The following HSDL2 variants were observed in gnomAD, a reference collection of about 807,000 sequenced individuals.
The protein encoded by HSDL2 is hydroxysteroid dehydrogenase like 2, also known as hydroxysteroid dehydrogenase-like protein 2.
In HSDL2, 27 loss-of-function variants were observed where a neutral mutation model predicts 46.3. The observed-to-expected ratio is 0.58, with a 90% CI of 0.43 to 0.80. HSDL2 has a LOEUF of 0.80. HSDL2 is among the 30% of genes least tolerant of loss of function. The pLI, the probability that HSDL2 is intolerant of heterozygous loss-of-function variation, is 0.00. For missense variants in HSDL2, 451 were observed against 502.7 expected (o/e 0.90, Z 0.98); for synonymous variants, 153 against 163.6 (o/e 0.94, Z 0.50).
intron 6 of HSDL2, among the ~76,000 whole-genome samples, chr9:112,431,051 CAAAAA>C (rs57414181): frequency 9.4e-5 from 9 of 95,636 alleles, no homozygotes; most frequent in Non-Finnish European, 1.1e-4. Flanking sequence ...GATTCCAACT[CAAAAA>C]AAAAAAAAAA....
chr9:112,429,805 C>T (rs981509243), intron 6 of HSDL2, among the ~76,000 whole-genome samples: 3 of 152,110 alleles, frequency 2.0e-5, no homozygotes, highest in African/African-American at 7.2e-5. Context: ...AAAGGTTTGG[C>T]ATTAGGCCAG....
At chr9:112,380,211 C>A (rs750903080) in intron 1 of HSDL2, 31 bp downstream of exon 1, 1 of 1,540,966 alleles carries the variant, frequency 6.5e-7, no homozygotes, top group Admixed American at 2.1e-5. Flanking sequence ...CGGGGAGAGA[C>A]CCTGTCGGGC....
rs576153493 is a variant in HSDL2 at position 112,456,152 on chromosome 9, T to C, written c.1015+1990T>C. Among the ~76,000 whole-genome samples, 10 of 152,358 alleles carry C rather than the reference T, an allele frequency of 6.6e-5. No individual in the cohort carries two copies. In the South Asian group the frequency reaches 2.1e-3, roughly 32 times the overall value. On this transcript the variant is annotated intron_variant, in intron 9 of 10. Transcript: ENST00000398805. ...TCAATCTGTTCATCTTGCAGCCTCC[T>C]TCCCAATGGTATTTTAATGTTCTCA...
chr9:112,381,092 C>CACACACACACACACACACAA (rs1308526968), intron 1 of HSDL2, among the ~76,000 whole-genome samples: 27 of 135,464 alleles, frequency 2.0e-4, no homozygotes, highest in African/African-American at 7.6e-4. Flanking sequence ...TCCGGATACA[C>CACACACACACACACACACAA]ACACACACAC....
At chr9:112,427,927 G>C (rs1277625897) in intron 6 of HSDL2, among the ~76,000 whole-genome samples, 1 of 152,176 alleles carries the variant, frequency 6.6e-6, no homozygotes, top group East Asian at 1.9e-4. Context: ...TGTCTAGGTT[G>C]GTAGAAGTTA....
chr9:112,440,489 T>G lies in HSDL2; in HGVS notation c.794-1210T>G, dbSNP rs1832617008. On this transcript the variant is annotated intron_variant, in intron 7 of 10. Coordinates refer to ENST00000398805, the MANE Select transcript of HSDL2 (RefSeq NM_032303.5). ...TACAGTTTTGAAGGCTTTGTGGCCT[T>G]TAAATCTTCTAGTGTGCACATGTCT... 1.3e-5 allele frequency among the ~76,000 whole-genome samples: 2 copies of G among 152,170 alleles called. 1 individual carries two copies. The highest frequency in any genetic ancestry group is 1.3e-4 in the Admixed American group (2 of 15,276).
chr9:112,419,917 G>C (rs1397891451), intron 6 of HSDL2, among the ~76,000 whole-genome samples: 1 of 152,172 alleles, frequency 6.6e-6, no homozygotes, highest in African/African-American at 2.4e-5. Context: ...CTTTCTTATA[G>C]GTTCTTACCC....
chr9:112,451,063 G>C (rs578144581), intron 8 of HSDL2, among the ~76,000 whole-genome samples: 1 of 152,010 alleles, frequency 6.6e-6, no homozygotes, highest in African/African-American at 2.4e-5. Context: ...TTAGCTGGGC[G>C]TAGTGGCACA....
At chr9:112,399,432 C>T (rs1044615151) in intron 1 of HSDL2, among the ~76,000 whole-genome samples, 6 of 152,230 alleles carry the variant, frequency 3.9e-5, no homozygotes, top group East Asian at 1.9e-4. Flanking sequence ...CAGTGGTGCA[C>T]GTATTGTCTT....
intron 1 of HSDL2, among the ~76,000 whole-genome samples, chr9:112,394,849 C>A (rs73533984): frequency 0.011 from 1,732 of 152,206 alleles, 37 homozygotes; most frequent in African/African-American, 0.039. Context: ...GGGCAATGGT[C>A]ATCTGTAGCT....
At chr9:112,457,159 GA>G (rs201793178) in intron 9 of HSDL2, among the ~76,000 whole-genome samples, 5 of 149,552 alleles carry the variant, frequency 3.3e-5, no homozygotes, top group African/African-American at 1.2e-4. Context: ...AAAAAAGAAA[GA>G]AAAAAAAATG....
At position 112,399,909 on chromosome 9, in the gene HSDL2, T is replaced by C. The variant is rs1337811536; in HGVS notation, c.18-4086T>C. 2.6e-5 allele frequency among the ~76,000 whole-genome samples: 4 copies of C among 152,194 alleles called. No homozygotes were observed. The East Asian group carries it at 7.7e-4, about 29-fold the overall frequency. ...TCAGTTTGTACAGTTAACACAATTA[T>C]CACAGTGGTCCTGAGGTGACGTACA... On this transcript the variant is annotated intron_variant, in intron 1 of 10. Transcript: ENST00000398805.
intron 10 of HSDL2, 68 bp from the exon 11 acceptor site, chr9:112,470,364 G>A: frequency 1.1e-6 from 1 of 900,000 alleles, no homozygotes; most frequent in Admixed American, 2.3e-5. Flanking sequence ...TACAATGCGT[G>A]TTCTTAAAGC....
In HSDL2 at chr9:112,441,782, A is replaced by G. The variant is rs763365106; in HGVS notation, c.865+12A>G. The G allele has an allele frequency of 4.7e-6, 7 of 1,484,288 alleles. No homozygotes were observed. The East Asian group carries it at 1.1e-4, about 24-fold the overall frequency. The allele number at this position is 1,484,288 out of a possible 1,614,324, so 91.9% of individuals were successfully genotyped here. On this transcript the variant is annotated intron_variant, in intron 8 of 10. Coordinates refer to ENST00000398805, the MANE Select transcript of HSDL2 (RefSeq NM_032303.5). The stretch of plus-strand genomic sequence containing the variant: ...AGTGGAATCAACTGGTAAGATCTAG[A>G]CTATATTTTATGTTAGAAAATATAA...
chr9:112,417,324 A>G (rs545897251), intron 5 of HSDL2, among the ~76,000 whole-genome samples: 2 of 152,250 alleles, frequency 1.3e-5, no homozygotes, highest in East Asian at 3.9e-4. Context: ...TCTATGAGAT[A>G]CTTTATTTTT....
chr9:112,424,019 G>A (rs1371771689), intron 6 of HSDL2, among the ~76,000 whole-genome samples: 2 of 150,688 alleles, frequency 1.3e-5, no homozygotes, highest in Admixed American at 6.6e-5. Context: ...TGGCCTAGAT[G>A]GTATCTTTTA....
intron 1 of HSDL2, among the ~76,000 whole-genome samples, chr9:112,380,838 C>T (rs1831072048): frequency 6.6e-6 from 1 of 152,128 alleles, no homozygotes. Context: ...CTCCTCTTCC[C>T]CACCTCCGCT....
At chr9:112,391,670 C>T (rs188565194) in intron 1 of HSDL2, among the ~76,000 whole-genome samples, 25 of 152,140 alleles carry the variant, frequency 1.6e-4, no homozygotes, top group Non-Finnish European at 2.5e-4. Flanking sequence ...CTTTGGGAGG[C>T]GGAGGCAGGT....
At chr9:112,396,768 T>C (rs1831466296) in intron 1 of HSDL2, among the ~76,000 whole-genome samples, 1 of 152,108 alleles carries the variant, frequency 6.6e-6, no homozygotes, top group African/African-American at 2.4e-5. Flanking sequence ...AGAGGAATGG[T>C]ACTACAGAGA....
Sources: gnomAD v4.1 joint callset for allele counts (sites outside exome capture counted in the v4.1 genomes callset) on GRCh38, gnomAD v4.1.1 for gene constraint, MANE v1.5 for transcripts, NCBI Gene and HGNC (gene_info 2026-07-23, HGNC 2026-07-21) for gene names.